MALRD1: variants seen among roughly 807,000 people sequenced by gnomAD.
The protein encoded by MALRD1 is MAM and LDL-receptor class A domain-containing protein 1.
A neutral mutation model predicts 242.1 loss-of-function variants in MALRD1; 247 were observed. That is an observed-to-expected ratio of 1.02 (90% CI 0.92 to 1.13). The LOEUF (loss-of-function observed/expected upper bound fraction) is 1.13, where lower values mean the gene tolerates loss of function less well. Among genes scored for constraint, MALRD1 ranks in the 50% most tolerant of loss-of-function variants. The pLI is 0.00. For missense variants in MALRD1, 2,989 were observed against 2,533.1 expected (o/e 1.18, Z -3.86); for synonymous variants, 995 against 866.6 (o/e 1.15, Z -2.60).
chr10:19,067,819 G>T (rs7069990), intron 2 of MALRD1, among the ~76,000 whole-genome samples: 58,191 of 151,900 alleles, frequency 0.38, 11,566 homozygotes, highest in Middle Eastern at 0.5. Context: ...CTCAAAAATT[G>T]ATGTTTAGTC....
intron 38 of MALRD1, among the ~76,000 whole-genome samples, chr10:19,730,390 G>T (rs1310555244): frequency 6.6e-6 from 1 of 152,064 alleles, no homozygotes; most frequent in Non-Finnish European, 1.5e-5. Context: ...TCTAATGTTG[G>T]ACACTTTGCA....
intron 18 of MALRD1, among the ~76,000 whole-genome samples, chr10:19,210,953 G>A (rs768812077): frequency 1.3e-5 from 2 of 152,166 alleles, no homozygotes; most frequent in African/African-American, 2.4e-5. Context: ...GTGTGGCATC[G>A]TTCTGGTCTC....
chr10:19,325,572 A>G (rs1239154212), intron 22 of MALRD1, among the ~76,000 whole-genome samples: 1 of 152,082 alleles, frequency 6.6e-6, no homozygotes, highest in African/African-American at 2.4e-5. Flanking sequence ...CCTCAGTTAT[A>G]TTGAAGAAGC....
At chr10:19,119,730 A>G (rs12098459) in intron 5 of MALRD1, among the ~76,000 whole-genome samples, 19,618 of 152,108 alleles carry the variant, frequency 0.13, 1,592 homozygotes, top group Admixed American at 0.22. Context: ...TATTCTTGTG[A>G]CTAATGTTAG....
intron 15 of MALRD1, 77 bp from the exon 16 acceptor site, chr10:19,204,231 A>G (rs1475135419): frequency 4.5e-6 from 4 of 895,648 alleles, no homozygotes; most frequent in Non-Finnish European, 5.1e-6. Context: ...TGCTCAGTGT[A>G]GGGTTAAGAG....
At chr10:19,584,814 T>C (rs1837305652) in intron 33 of MALRD1, among the ~76,000 whole-genome samples, 1 of 152,076 alleles carries the variant, frequency 6.6e-6, no homozygotes, top group Admixed American at 6.6e-5. Flanking sequence ...TGTCTAATGT[T>C]GACAGTGGGG....
chr10:19,569,864 A>T (rs1836438726), intron 33 of MALRD1, among the ~76,000 whole-genome samples: 1 of 149,474 alleles, frequency 6.7e-6, no homozygotes, highest in Non-Finnish European at 1.5e-5. Context: ...AATTATATGT[A>T]TTTTACTAAT....
At chr10:19,226,207 A>G (rs1837793113) in intron 18 of MALRD1, among the ~76,000 whole-genome samples, 1 of 152,190 alleles carries the variant, frequency 6.6e-6, no homozygotes, top group Non-Finnish European at 1.5e-5. Context: ...ACAATCTACC[A>G]TGCTGACAGA....
intron 36 of MALRD1, among the ~76,000 whole-genome samples, chr10:19,685,382 A>G (rs533961391): frequency 6.6e-6 from 1 of 152,292 alleles, no homozygotes; most frequent in African/African-American, 2.4e-5. Context: ...TATCTTGTAC[A>G]TAGTAGATGT....
intron 32 of MALRD1, among the ~76,000 whole-genome samples, chr10:19,533,463 G>A (rs923745851): frequency 3.3e-5 from 5 of 152,086 alleles, no homozygotes; most frequent in African/African-American, 1.2e-4. Flanking sequence ...GATCATTCTT[G>A]TGTTGCTGTA....
intron 34 of MALRD1, among the ~76,000 whole-genome samples, chr10:19,600,382 A>T (rs1838292154): frequency 6.6e-6 from 1 of 152,248 alleles, no homozygotes. Flanking sequence ...GGTAGAGTGC[A>T]TAATACACAC....
chr10:19,465,567 G>T (rs1836179796), intron 29 of MALRD1, among the ~76,000 whole-genome samples: 1 of 152,026 alleles, frequency 6.6e-6, no homozygotes, highest in Non-Finnish European at 1.5e-5. Context: ...GTCTCACTCT[G>T]TCACCCAGGC....
chr10:19,631,596 T>G (rs1839908207), intron 36 of MALRD1, among the ~76,000 whole-genome samples: 2 of 152,164 alleles, frequency 1.3e-5, no homozygotes, highest in Admixed American at 6.5e-5. Flanking sequence ...TTGAACTAAT[T>G]TACACTCTCA....
chr10:19,308,894 C>G (rs1406414874), intron 21 of MALRD1, among the ~76,000 whole-genome samples: 1 of 151,460 alleles, frequency 6.6e-6, no homozygotes, highest in Non-Finnish European at 1.5e-5. Flanking sequence ...TGTAATAAAT[C>G]AAAGACAGCT....
intron 29 of MALRD1, among the ~76,000 whole-genome samples, chr10:19,450,944 A>C (rs1835289555): frequency 6.6e-6 from 1 of 152,140 alleles, no homozygotes; most frequent in Admixed American, 6.5e-5. Context: ...CTCATGACCT[A>C]GTCATCTTCC....
chr10:19,166,859 G>A (rs977288674), intron 13 of MALRD1, among the ~76,000 whole-genome samples: 1 of 152,184 alleles, frequency 6.6e-6, no homozygotes, highest in South Asian at 2.1e-4. Flanking sequence ...ATGGTGGAAA[G>A]CACACTGTTT....
intron 5 of MALRD1, among the ~76,000 whole-genome samples, chr10:19,120,232 T>C (rs926196504): frequency 6.6e-6 from 1 of 151,608 alleles, no homozygotes; most frequent in Non-Finnish European, 1.5e-5. Context: ...AGAAAAAAAA[T>C]AGGTGGTAAC....
intron 36 of MALRD1, among the ~76,000 whole-genome samples, chr10:19,690,960 A>C (rs916196742): frequency 6.6e-6 from 1 of 152,070 alleles, no homozygotes; most frequent in Non-Finnish European, 1.5e-5. Flanking sequence ...TATTTGTCTA[A>C]GATGATTACT....
At chr10:19,193,871 T>G (rs1241596569) in intron 14 of MALRD1, among the ~76,000 whole-genome samples, 1 of 151,778 alleles carries the variant, frequency 6.6e-6, no homozygotes, top group Non-Finnish European at 1.5e-5. Flanking sequence ...CACATATATA[T>G]AATGCAAAGA....
Sources: gnomAD v4.1 joint callset for allele counts (sites outside exome capture counted in the v4.1 genomes callset) on GRCh38, gnomAD v4.1.1 for gene constraint, MANE v1.5 for transcripts, NCBI Gene and HGNC (gene_info 2026-07-23, HGNC 2026-07-21) for gene names.